The following CDK19 variants were observed in gnomAD, a reference collection of about 807,000 sequenced individuals.
The protein encoded by CDK19 is cyclin-dependent kinase 19.
CDK19 carries 20 observed loss-of-function variants against 68.3 expected under a neutral mutation model. That is an observed-to-expected ratio of 0.29 (90% CI 0.21 to 0.43). CDK19 has a LOEUF of 0.43. Ranked by LOEUF, CDK19 falls within the 20% of genes least tolerant of loss-of-function variation. CDK19 has a pLI of 1.00. For missense variants in CDK19, 339 were observed against 623.5 expected, an observed-to-expected ratio of 0.54 and a Z score of 4.86; for synonymous variants, 221 against 222.8, an observed-to-expected ratio of 0.99 and a Z score of 0.07.
At chr6:110,623,781 T>C (rs1778878859) in intron 8 of CDK19, among the ~76,000 whole-genome samples, 1 of 132,384 alleles carries the variant, frequency 7.6e-6, no homozygotes, top group East Asian at 2.1e-4. Flanking sequence ...TATATACATA[T>C]ATACACATAT....
At chr6:110,752,494 T>C (rs575404754) in intron 1 of CDK19, among the ~76,000 whole-genome samples, 9 of 152,306 alleles carry the variant, frequency 5.9e-5, no homozygotes, top group African/African-American at 2.2e-4. Context: ...TATTAATGAA[T>C]GATGTCAGAT....
chr6:110,783,868 T>C (rs1780999342), intron 1 of CDK19, among the ~76,000 whole-genome samples: 1 of 151,388 alleles, frequency 6.6e-6, no homozygotes. Flanking sequence ...ATCAAGAAAT[T>C]GAAAAGGCAG....
intron 1 of CDK19, among the ~76,000 whole-genome samples, chr6:110,777,112 T>C (rs1195068776): frequency 2.0e-5 from 3 of 152,216 alleles, no homozygotes; most frequent in South Asian, 2.1e-4. Flanking sequence ...CAAACAATTA[T>C]ATGTGTTCTC....
chr6:110,814,980 G>A, intron 1 of CDK19, 29 bp downstream of exon 1: 10 of 1,597,812 alleles, frequency 6.3e-6, no homozygotes, highest in South Asian at 1.1e-5. Context: ...GGACCCGAGC[G>A]AGCCTACTCC....
intron 2 of CDK19, among the ~76,000 whole-genome samples, chr6:110,695,526 C>CA (rs1177434791): frequency 6.6e-6 from 1 of 151,536 alleles, no homozygotes; most frequent in East Asian, 1.9e-4. Context: ...AAAATTGAAA[C>CA]AAAAAAATTT....
At chr6:110,743,721 C>G (rs753643022) in intron 2 of CDK19, among the ~76,000 whole-genome samples, 19 of 151,970 alleles carry the variant, frequency 1.3e-4, no homozygotes, top group Non-Finnish European at 2.5e-4. Context: ...TATATAAAGA[C>G]ACACATGCCC....
rs1780549632 is a variant in CDK19 at position 110,646,057 on chromosome 6, T to G, written c.457-7351A>C. On this transcript the variant is annotated intron_variant, in intron 4 of 12. Coordinates refer to ENST00000368911, the MANE Select transcript of CDK19 (RefSeq NM_015076.5). Reference sequence around the variant, plus strand: ...GCCATCTACGAAGCTATCCCTTTGTTGCCAGGCATGGGCGACCTGCTGCAG... The same window carrying G: ...GCCATCTACGAAGCTATCCCTTTGTGGCCAGGCATGGGCGACCTGCTGCAG... The G allele has an allele frequency of 9.0e-6, 8 of 887,438 alleles. No individual in the cohort carries two copies. In the East Asian group the frequency reaches 2.1e-4, roughly 23 times the overall value. The allele number at this position is 887,438 out of a possible 1,614,324, so 55.0% of individuals were successfully genotyped here.
rs1441729194 is a variant in CDK19 at position 110,613,355 on chromosome 6, C to T, written c.*1180G>A. On this transcript the variant is annotated 3_prime_UTR_variant, in exon 13 of 13. Transcript: ENST00000368911. ...TGATAGAATTAAGTTTCAGTAACAA[C>T]AGCAAAATTATGCATACATAATACA... 1 of 152,588 alleles carries T rather than the reference C, an allele frequency of 6.6e-6. No homozygotes were observed. Among genetic ancestry groups the T allele is most frequent in the Non-Finnish European group, 1.5e-5 (1 of 68,014 alleles). The allele number at this position is 152,588 out of a possible 1,614,324, so 9.5% of individuals were successfully genotyped here.
intron 1 of CDK19, among the ~76,000 whole-genome samples, chr6:110,791,498 AAAATGT>A (rs1230760999): frequency 2.0e-5 from 3 of 152,148 alleles, no homozygotes; most frequent in African/African-American, 7.2e-5. Context: ...TATATATTGT[AAAATGT>A]AAAATACAGG....
chr6:110,730,051 A>G (rs1447595722), intron 2 of CDK19, among the ~76,000 whole-genome samples: 6 of 152,206 alleles, frequency 3.9e-5, no homozygotes. Flanking sequence ...CTGTACTGGT[A>G]TAAAATAAGC....
intron 1 of CDK19, among the ~76,000 whole-genome samples, chr6:110,796,332 T>TCAAA (rs917016037): frequency 7.9e-5 from 12 of 151,700 alleles, no homozygotes; most frequent in African/African-American, 1.2e-4. Context: ...TGAGATTCCG[T>TCAAA]CAAACAAACA....
chr6:110,778,455 T>C (rs1342223049), intron 1 of CDK19, among the ~76,000 whole-genome samples: 2 of 152,222 alleles, frequency 1.3e-5, no homozygotes, highest in Non-Finnish European at 2.9e-5. Flanking sequence ...AAAACAGTTA[T>C]GTCATCAAAA....
chr6:110,675,738 G>C (rs913412603), intron 2 of CDK19, among the ~76,000 whole-genome samples: 1 of 151,202 alleles, frequency 6.6e-6, no homozygotes, highest in African/African-American at 2.4e-5. Flanking sequence ...ATGGCTTACC[G>C]AACATTTTAA....
At chr6:110,671,102 A>C (rs1350104996) in intron 2 of CDK19, among the ~76,000 whole-genome samples, 1 of 152,114 alleles carries the variant, frequency 6.6e-6, no homozygotes, top group Non-Finnish European at 1.5e-5. Flanking sequence ...AGTGAGTATA[A>C]GGGAATGACT....
Position 110,610,483 on chromosome 6 carries a change from T to TA in CDK19, c.*4051_*4052insT, listed in dbSNP as rs967970545. 5.2e-5 allele frequency: 8 copies of TA among 152,524 alleles called. No homozygotes were observed. Among genetic ancestry groups the TA allele is most frequent in the African/African-American group, 1.4e-4 (6 of 41,424 alleles). The allele number at this position is 152,524 out of a possible 1,614,324, so 9.4% of individuals were successfully genotyped here. ...GGAGATAACAGTGCATTAAGGGTTT[T>TA]TTTTTTTATATAATACATACATATC... On this transcript the variant is annotated 3_prime_UTR_variant, in exon 13 of 13. Transcript: ENST00000368911.
chr6:110,726,672 T>C lies in CDK19; in HGVS notation c.204+19454A>G, dbSNP rs185378676. Among the ~76,000 whole-genome samples the C allele has an allele frequency of 9.2e-4, 140 of 152,210 alleles. 1 individual carries two copies. The highest frequency in any genetic ancestry group is 3.0e-3 in the African/African-American group (126 of 41,530). On this transcript the variant is annotated intron_variant, in intron 2 of 12. Coordinates refer to ENST00000368911, the MANE Select transcript of CDK19 (RefSeq NM_015076.5). The stretch of plus-strand genomic sequence containing the variant: ...TTGTTAATAGCAAACAAAACCACAA[T>C]TGAGTGGGAAAGATAGATCACTACA...
At chr6:110,668,553 C>T (rs757530418) in intron 3 of CDK19, among the ~76,000 whole-genome samples, 1 of 152,130 alleles carries the variant, frequency 6.6e-6, no homozygotes, top group Non-Finnish European at 1.5e-5. Flanking sequence ...AAAAAAGAGG[C>T]TGGGTGTGGT....
chr6:110,645,731 T>C, intron 4 of CDK19: 1 of 480,638 alleles, frequency 2.1e-6, no homozygotes, highest in Admixed American at 3.1e-5. Flanking sequence ...ACAGAGTCCC[T>C]ACAGGTGGTG....
intron 4 of CDK19, among the ~76,000 whole-genome samples, chr6:110,642,573 AAG>A (rs1780275101): frequency 6.6e-6 from 1 of 152,188 alleles, no homozygotes; most frequent in African/African-American, 2.4e-5. Flanking sequence ...AGAAAACAAA[AAG>A]AGAATACAAG....
Sources: allele counts gnomAD v4.1 joint callset (sites outside exome capture counted in the v4.1 genomes callset), GRCh38; gene constraint gnomAD v4.1.1; transcripts MANE v1.5; gene names NCBI Gene and HGNC (gene_info 2026-07-23, HGNC 2026-07-21).